Variants in PCDHA3 observed in about 807,000 individuals in gnomAD.
The protein encoded by PCDHA3 is protocadherin alpha 3.
In PCDHA3, 41 loss-of-function variants were observed where a neutral mutation model predicts 62.2. The ratio of observed to expected loss-of-function variants is 0.66; its 90% CI spans 0.51 to 0.86. The LOEUF is 0.86. Among genes scored for constraint, PCDHA3 ranks in the 40% least tolerant of loss-of-function variants. The probability of loss-of-function intolerance (pLI) is 0.00; values close to 1 mark genes in which losing one functional copy is unlikely to be tolerated. For synonymous variants in PCDHA3, 640 were observed against 555.4 expected, an observed-to-expected ratio of 1.15 and a Z score of -2.14; for missense variants, 1,304 against 1,241.2, an observed-to-expected ratio of 1.05 and a Z score of -0.76.
rs2150128488 is a variant in PCDHA3 at position 140,823,719 on chromosome 5, G to A, written c.2394+20128G>A. The A allele has an allele frequency of 3.1e-6, 5 of 1,613,928 alleles. No individual in the cohort carries two copies. In the African/African-American group the frequency reaches 5.3e-5, roughly 17 times the overall value. ...AAGCACCGCGCCACCGCCTTCTGGT[G>A]CTGGTGAAGGACCATGGAGAGCCCC... On this transcript the variant is annotated intron_variant, in intron 1 of 3. Transcript: ENST00000522353.
At chr5:140,972,197 A>G (rs2096524584) in intron 1 of PCDHA3, among the ~76,000 whole-genome samples, 1 of 152,100 alleles carries the variant, frequency 6.6e-6, no homozygotes. Context: ...GCTGGAGTAT[A>G]GGTGTGAATA....
chr5:140,978,915 A>T, intron 1 of PCDHA3, 34 bp from the exon 2 acceptor site: 3 of 1,613,970 alleles, frequency 1.9e-6, no homozygotes, highest in Non-Finnish European at 2.5e-6. Flanking sequence ...TTGTCTTGTC[A>T]TTTTAACAGA....
rs1261636098 is a variant in PCDHA3, at chr5:140,968,913, C to G, written c.2395-10036C>G. 6.8e-6 allele frequency: 11 copies of G among 1,614,036 alleles called. No homozygotes were observed. Among genetic ancestry groups the G allele is most frequent in the Non-Finnish European group, 8.5e-6 (10 of 1,180,044 alleles). On this transcript the variant is annotated intron_variant, in intron 1 of 3. Transcript: ENST00000522353. ...CTAATAATAGCATTAAGCACAGTGT[C>G]TTTTATATTTCTTTTGACAATCATC...
intron 1 of PCDHA3, among the ~76,000 whole-genome samples, chr5:140,958,025 A>G (rs920360369): frequency 1.3e-5 from 2 of 152,150 alleles, no homozygotes; most frequent in Non-Finnish European, 2.9e-5. Flanking sequence ...CAAGTATACT[A>G]TGCTTTCTTT....
chr5:140,863,356 C>T (rs1554158132), intron 1 of PCDHA3: 1 of 1,255,152 alleles, frequency 8.0e-7, no homozygotes, highest in Non-Finnish European at 1.1e-6. Flanking sequence ...CACGACGCTG[C>T]GGTGCTTGGC....
chr5:141,009,003 A>G (rs782499793), intron 3 of PCDHA3, among the ~76,000 whole-genome samples: 16 of 152,220 alleles, frequency 1.1e-4, no homozygotes, highest in Non-Finnish European at 1.5e-4. Flanking sequence ...AAAGGAGCAT[A>G]TTTTGCCTTT....
intron 1 of PCDHA3, among the ~76,000 whole-genome samples, chr5:140,942,896 C>CT (rs1554215262): frequency 6.6e-6 from 1 of 151,664 alleles, no homozygotes; most frequent in African/African-American, 2.4e-5. Flanking sequence ...AAATTTATCT[C>CT]TAAGAATAAG....
rs1031755500 is a variant in PCDHA3 at position 140,856,096 on chromosome 5, G to T, written c.2394+52505G>T. ...TGGGGGTCCAGTGTCTGCTGCTCTC[G>T]CTTCTTCTCCTCGCAGCCTGGGAGG... On this transcript the variant is annotated intron_variant, in intron 1 of 3. Transcript: ENST00000522353. 7 of 1,597,458 alleles carry T rather than the reference G, an allele frequency of 4.4e-6. 1 individual carries two copies. The highest frequency in any genetic ancestry group is 6.0e-6 in the Non-Finnish European group (7 of 1,167,222).
chr5:140,941,199 C>CT (rs879983584), intron 1 of PCDHA3, among the ~76,000 whole-genome samples: 21,657 of 115,670 alleles, frequency 0.19, 2,171 homozygotes, highest in East Asian at 0.37. Flanking sequence ...TTTTTTCTTT[C>CT]TTCCTTTCTT....
intron 1 of PCDHA3, among the ~76,000 whole-genome samples, chr5:140,948,767 T>G (rs1266601836): frequency 6.6e-6 from 1 of 151,640 alleles, no homozygotes; most frequent in Non-Finnish European, 1.5e-5. Context: ...TTTTTTCGAA[T>G]AGCCAGCTTT....
At chr5:140,805,172 T>A in intron 1 of PCDHA3, 1 of 1,515,330 alleles carries the variant, frequency 6.6e-7, no homozygotes, top group Non-Finnish European at 8.8e-7. Context: ...GATGTACTGA[T>A]GCTATGCCAA....
At chr5:141,004,698 T>C (rs2098177351) in intron 3 of PCDHA3, among the ~76,000 whole-genome samples, 1 of 152,222 alleles carries the variant, frequency 6.6e-6, no homozygotes, top group East Asian at 1.9e-4. Context: ...AACCCAGTTT[T>C]AGGTGCCGAA....
At chr5:140,863,208 C>T in intron 1 of PCDHA3, 2 of 990,676 alleles carry the variant, frequency 2.0e-6, no homozygotes, top group Non-Finnish European at 3.1e-6. Context: ...TGGCGGAGAG[C>T]AGCCAAGCGA....
chr5:140,831,031 G>A (rs10038174), intron 1 of PCDHA3: 88,595 of 152,032 alleles, frequency 0.58, 26,556 homozygotes, highest in African/African-American at 0.72. Context: ...TTGTGATTCC[G>A]GGAGGCAATA....
At chr5:140,882,086 A>T in intron 1 of PCDHA3, 2 of 1,056,122 alleles carry the variant, frequency 1.9e-6, no homozygotes, top group Non-Finnish European at 2.7e-6. Context: ...GTCGCTCTTC[A>T]CTGAGAACGT....
Position 140,848,199 on chromosome 5 carries a change from AATC to A in PCDHA3, c.2394+44611_2394+44613del, listed in dbSNP as rs2150407324. The stretch of plus-strand genomic sequence containing the variant: ...GAGAAACGGGATCTTCTGTTTCAAC[AATC>A]ATTACTTAAGAAAAAATTAAGAAAA... On this transcript the variant is annotated intron_variant, in intron 1 of 3. Coordinates refer to ENST00000522353, the MANE Select transcript of PCDHA3 (RefSeq NM_018906.3). The A allele has an allele frequency of 2.2e-5, 7 of 318,910 alleles. No individual in the cohort carries two copies. The South Asian group carries it at 2.2e-4, about 10-fold the overall frequency. The allele number at this position is 318,910 out of a possible 1,614,324, so 19.8% of individuals were successfully genotyped here.
chr5:140,965,424 G>A (rs2095899424), intron 1 of PCDHA3, among the ~76,000 whole-genome samples: 1 of 152,086 alleles, frequency 6.6e-6, no homozygotes, highest in African/African-American at 2.4e-5. Flanking sequence ...AGGAAGATAA[G>A]CTGCAGTCAT....
chr5:140,806,732 A>G (rs1224826422), intron 1 of PCDHA3, among the ~76,000 whole-genome samples: 3 of 152,250 alleles, frequency 2.0e-5, no homozygotes. Flanking sequence ...GTTTACAGTT[A>G]CATGTTTACA....
intron 1 of PCDHA3, chr5:140,836,210 T>A: frequency 6.2e-7 from 1 of 1,613,772 alleles, no homozygotes. Context: ...GGCTTTCGTA[T>A]GAGTTGCAAC....
Sources: allele counts gnomAD v4.1 joint callset (sites outside exome capture counted in the v4.1 genomes callset), GRCh38; gene constraint gnomAD v4.1.1; transcripts MANE v1.5; gene names NCBI Gene and HGNC (gene_info 2026-07-23, HGNC 2026-07-21).